The following ADGRB3 variants were observed in gnomAD, a reference collection of about 807,000 sequenced individuals.
ADGRB3 encodes adhesion G protein-coupled receptor B3.
Under a neutral mutation model 193.4 loss-of-function variants are expected in ADGRB3, and 37 were observed. The observed-to-expected ratio is 0.19, with a 90% CI of 0.15 to 0.25. The LOEUF (loss-of-function observed/expected upper bound fraction) is 0.25. Among genes scored for constraint, ADGRB3 ranks in the 10% least tolerant of loss-of-function variants. The pLI is 1.00. For missense variants in ADGRB3, 1,637 were observed against 1,852.9 expected, an observed-to-expected ratio of 0.88 and a Z score of 2.14; for synonymous variants, 690 against 644.2, an observed-to-expected ratio of 1.07 and a Z score of -1.08.
chr6:69,145,094 T>C (rs1774448693), intron 17 of ADGRB3, among the ~76,000 whole-genome samples: 1 of 152,196 alleles, frequency 6.6e-6, no homozygotes, highest in Non-Finnish European at 1.5e-5. Flanking sequence ...CTGTGGCCAG[T>C]GGCACCTTTG....
intron 17 of ADGRB3, among the ~76,000 whole-genome samples, chr6:69,189,666 A>C (rs1486162788): frequency 6.6e-6 from 1 of 152,182 alleles, no homozygotes; most frequent in Non-Finnish European, 1.5e-5. Flanking sequence ...TTATAATGTA[A>C]GCCAATTTCT....
intron 3 of ADGRB3, among the ~76,000 whole-genome samples, chr6:68,653,943 CT>C (rs957435749): frequency 8.6e-5 from 13 of 151,392 alleles, no homozygotes; most frequent in Non-Finnish European, 1.3e-4. Flanking sequence ...TATTTTACTC[CT>C]TTTTTTTGAT....
intron 5 of ADGRB3, among the ~76,000 whole-genome samples, chr6:68,941,099 A>G (rs1337766546): frequency 6.6e-6 from 1 of 152,162 alleles, no homozygotes; most frequent in African/African-American, 2.4e-5. Flanking sequence ...AAATGAAGGA[A>G]TTTCATTTAA....
intron 20 of ADGRB3, among the ~76,000 whole-genome samples, chr6:69,304,885 C>T (rs558266872): frequency 1.3e-5 from 2 of 151,524 alleles, no homozygotes; most frequent in Admixed American, 1.3e-4. Flanking sequence ...ATTTTCTGGT[C>T]TCCAAATCTG....
chr6:69,066,347 A>T, intron 16 of ADGRB3, among the ~76,000 whole-genome samples: 1 of 152,052 alleles, frequency 6.6e-6, no homozygotes, highest in African/African-American at 2.4e-5. Context: ...AATAACTTCA[A>T]AATTACATTT....
intron 13 of ADGRB3, among the ~76,000 whole-genome samples, chr6:69,033,504 T>A (rs1056643457): frequency 6.6e-6 from 1 of 152,330 alleles, no homozygotes; most frequent in Middle Eastern, 3.4e-3. Context: ...GTCTTTTGAA[T>A]AGTCAAAAAT....
chr6:69,209,066 AG>A (rs1765600963), intron 17 of ADGRB3, among the ~76,000 whole-genome samples: 1 of 152,204 alleles, frequency 6.6e-6, no homozygotes, highest in Non-Finnish European at 1.5e-5. Context: ...GTCCTGCCAA[AG>A]GCTCCAAACA....
chr6:69,385,935 C>T (rs1770060594), intron 31 of ADGRB3, among the ~76,000 whole-genome samples: 1 of 152,062 alleles, frequency 6.6e-6, no homozygotes, highest in African/African-American at 2.4e-5. Flanking sequence ...AAGTCTCTCC[C>T]TACTCCCTGC....
chr6:68,968,814 G>A (rs1176920735), intron 8 of ADGRB3, among the ~76,000 whole-genome samples: 2 of 151,860 alleles, frequency 1.3e-5, no homozygotes, highest in Non-Finnish European at 2.9e-5. Context: ...TTTTTGGTTG[G>A]CATTTATAGA....
At chr6:69,329,051 A>C (rs1456661193) in intron 22 of ADGRB3, among the ~76,000 whole-genome samples, 1 of 98,258 alleles carries the variant, frequency 1.0e-5, no homozygotes, top group African/African-American at 4.3e-5. Context: ...AAAATAAAAG[A>C]TATACTGAAT....
At chr6:68,955,876 A>G (rs1768057346) in intron 6 of ADGRB3, 148 bp from the exon 7 acceptor site, 1 of 663,786 alleles carries the variant, frequency 1.5e-6, no homozygotes. Context: ...GGAGTTAATA[A>G]AATCTCATGC....
intron 20 of ADGRB3, among the ~76,000 whole-genome samples, chr6:69,260,923 G>A (rs1219140143): frequency 6.6e-6 from 1 of 152,082 alleles, no homozygotes; most frequent in Non-Finnish European, 1.5e-5. Context: ...CTCTGCAAAT[G>A]GACCAAATCT....
chr6:69,227,711 T>C (rs1375858179), intron 17 of ADGRB3, among the ~76,000 whole-genome samples: 2 of 152,192 alleles, frequency 1.3e-5, no homozygotes, highest in African/African-American at 4.8e-5. Flanking sequence ...ACTAAATACA[T>C]ATTGACTGGT....
At chr6:69,257,566 G>A (rs886823073) in intron 20 of ADGRB3, among the ~76,000 whole-genome samples, 1 of 152,070 alleles carries the variant, frequency 6.6e-6, no homozygotes, top group African/African-American at 2.4e-5. Flanking sequence ...GATGTTTGAG[G>A]TAAACAAAAT....
intron 16 of ADGRB3, among the ~76,000 whole-genome samples, 164 bp from the exon 17 acceptor site, chr6:69,075,830 GA>G (rs1772213092): frequency 6.6e-6 from 1 of 152,176 alleles, no homozygotes; most frequent in South Asian, 2.1e-4. Flanking sequence ...CTAAATCTAT[GA>G]GAAACGAAAT....
At chr6:68,776,544 A>T (rs1027258731) in intron 3 of ADGRB3, among the ~76,000 whole-genome samples, 16 of 152,020 alleles carry the variant, frequency 1.1e-4, no homozygotes, top group African/African-American at 3.9e-4. Context: ...CTAAATGCAG[A>T]CTCCCACTCT....
intron 16 of ADGRB3, among the ~76,000 whole-genome samples, chr6:69,063,478 G>A (rs1049991111): frequency 3.3e-5 from 5 of 151,966 alleles, no homozygotes; most frequent in African/African-American, 1.2e-4. Flanking sequence ...AAATTGGTGA[G>A]TTTTATCTTT....
At chr6:69,352,490 G>A (rs952773047) in intron 26 of ADGRB3, among the ~76,000 whole-genome samples, 2 of 152,174 alleles carry the variant, frequency 1.3e-5, no homozygotes, top group African/African-American at 4.8e-5. Context: ...AGAAATATTA[G>A]AGTAATAGAA....
At chr6:69,158,491 A>C (rs796741329) in intron 17 of ADGRB3, among the ~76,000 whole-genome samples, 10 of 152,150 alleles carry the variant, frequency 6.6e-5, no homozygotes, top group African/African-American at 2.4e-4. Context: ...AATCAATGTA[A>C]ATGAATGTAT....
Sources: gnomAD v4.1 joint callset for allele counts (sites outside exome capture counted in the v4.1 genomes callset) on GRCh38, gnomAD v4.1.1 for gene constraint, MANE v1.5 for transcripts, NCBI Gene and HGNC (gene_info 2026-07-23, HGNC 2026-07-21) for gene names.